The following ARMC2 variants were observed in gnomAD, a reference collection of about 807,000 sequenced individuals.
The protein encoded by ARMC2 is armadillo repeat-containing protein 2.
ARMC2 carries 67 observed loss-of-function variants against 90.3 expected under a neutral mutation model. The observed-to-expected ratio is 0.74, with a 90% CI of 0.61 to 0.91. ARMC2 has a LOEUF of 0.91. ARMC2 is among the 40% of genes least tolerant of loss of function. ARMC2 has a pLI of 0.00. For synonymous variants in ARMC2, 393 were observed against 393.0 expected (o/e 1.00, Z 0.00); for missense variants, 920 against 1,030.9 (o/e 0.89, Z 1.47).
chr6:108,925,721 T>G (rs1479193837), intron 10 of ARMC2, among the ~76,000 whole-genome samples: 1 of 152,192 alleles, frequency 6.6e-6, no homozygotes. Context: ...GATGGTGTCA[T>G]CTATTGAGCT....
chr6:108,975,748 T>C (rs1196666107), downstream of ARMC2, among the ~76,000 whole-genome samples: 1 of 152,264 alleles, frequency 6.6e-6, no homozygotes, highest in Non-Finnish European at 1.5e-5. Flanking sequence ...ATTTCTCTAA[T>C]GACCAGTGAT....
chr6:108,929,284 A>C (rs1169529944), intron 11 of ARMC2, among the ~76,000 whole-genome samples: 1 of 152,106 alleles, frequency 6.6e-6, no homozygotes, highest in Non-Finnish European at 1.5e-5. Context: ...TATTTTTCCC[A>C]TGTGGATAGT....
intron 6 of ARMC2, among the ~76,000 whole-genome samples, chr6:108,896,807 G>T (rs1354171679): frequency 6.6e-6 from 1 of 152,170 alleles, no homozygotes; most frequent in East Asian, 1.9e-4. Context: ...GCAGCATATT[G>T]CATAGGAGGT....
intron 8 of ARMC2, among the ~76,000 whole-genome samples, chr6:108,909,162 T>G (rs1169720400): frequency 6.6e-6 from 1 of 152,224 alleles, no homozygotes; most frequent in Non-Finnish European, 1.5e-5. Flanking sequence ...AATAATTTTT[T>G]GTTCAGATGA....
chr6:108,892,711 A>T (rs1341912414), intron 5 of ARMC2, among the ~76,000 whole-genome samples: 1 of 151,286 alleles, frequency 6.6e-6, no homozygotes, highest in Non-Finnish European at 1.5e-5. Context: ...GTGAGCCGAG[A>T]TCACGCCATT....
chr6:109,026,557 C>T, the ARMC2 span, among the ~76,000 whole-genome samples: 244 of 152,064 alleles, frequency 1.6e-3, no homozygotes, highest in African/African-American at 5.1e-3. Flanking sequence ...AGTGCAGTGG[C>T]GCAATCTCGG....
intron 1 of ARMC2, among the ~76,000 whole-genome samples, chr6:108,853,379 G>A (rs1446253599): frequency 6.6e-6 from 1 of 152,118 alleles, no homozygotes; most frequent in African/African-American, 2.4e-5. Context: ...TCACAAAGCA[G>A]TTTTCTGTTG....
At chr6:108,979,780 G>A in the ARMC2 span, among the ~76,000 whole-genome samples, 1 of 151,470 alleles carries the variant, frequency 6.6e-6, no homozygotes, top group South Asian at 2.1e-4. Flanking sequence ...CTGCTTGATA[G>A]ATATGGCTAT....
At chr6:108,910,860 AT>A in intron 8 of ARMC2, 38 bp from the exon 9 acceptor site, 1 of 1,026,060 alleles carries the variant, frequency 9.7e-7, no homozygotes, top group Non-Finnish European at 1.4e-6. Flanking sequence ...GCATGTCTTT[AT>A]TTCCTTCTGC....
At chr6:108,888,111 C>G (rs941757395) in intron 5 of ARMC2, among the ~76,000 whole-genome samples, 9 of 152,310 alleles carry the variant, frequency 5.9e-5, no homozygotes, top group Middle Eastern at 3.4e-3. Flanking sequence ...GGGTTCCAGA[C>G]TTTAAAAGGG....
intron 5 of ARMC2, among the ~76,000 whole-genome samples, chr6:108,891,060 G>T (rs912510426): frequency 6.6e-6 from 1 of 152,096 alleles, no homozygotes; most frequent in Non-Finnish European, 1.5e-5. Context: ...CTTCATCCAT[G>T]TCACTGCAAA....
chr6:108,971,204 C>G lies in ARMC2; in HGVS notation c.2447-2153C>G, dbSNP rs552363093. Among the ~76,000 whole-genome samples the G allele has an allele frequency of 6.6e-5, 10 of 152,236 alleles. No individual in the cohort carries two copies. The South Asian group carries it at 1.9e-3, about 28-fold the overall frequency. ...ACACCATTGCACTCCAGAGTAGACTCTGTCTCGAAAAAACGGAATGAAATC... is the reference window on the plus strand; with the variant it reads ...ACACCATTGCACTCCAGAGTAGACTGTGTCTCGAAAAAACGGAATGAAATC... On this transcript the variant is annotated intron_variant, in intron 17 of 17. Transcript: ENST00000392644.
the ARMC2 span, chr6:109,000,536 T>G: frequency 2.5e-6 from 4 of 1,610,910 alleles, no homozygotes; most frequent in Non-Finnish European, 3.4e-6. Context: ...GGGCTAACAC[T>G]TTGTTAAGTT....
intron 11 of ARMC2, 56 bp downstream of exon 11, chr6:108,928,289 G>A (rs954207418): frequency 7.9e-6 from 11 of 1,393,746 alleles, no homozygotes; most frequent in Non-Finnish European, 1.0e-5. Flanking sequence ...TTAGATTTGG[G>A]GTTATCTTTA....
the ARMC2 span, among the ~76,000 whole-genome samples, chr6:108,981,858 G>A: frequency 6.6e-6 from 1 of 152,048 alleles, no homozygotes; most frequent in East Asian, 1.9e-4. Context: ...GTAGAGATGG[G>A]GTTTCACCAT....
At chr6:108,998,861 GCCTAGCATAAAATTA>G in the ARMC2 span, 1 of 1,310,980 alleles carries the variant, frequency 7.6e-7, no homozygotes. Context: ...ATCATACAAA[GCCTAGCATAAAATTA>G]TCATTTGAAA....
intron 17 of ARMC2, among the ~76,000 whole-genome samples, chr6:108,972,206 A>C (rs1778813260): frequency 6.6e-6 from 1 of 152,190 alleles, no homozygotes; most frequent in Admixed American, 6.5e-5. Flanking sequence ...TCCTACCTGG[A>C]TTGAATATAT....
At chr6:108,948,954 A>G (rs2128501658) in intron 12 of ARMC2, among the ~76,000 whole-genome samples, 1 of 152,254 alleles carries the variant, frequency 6.6e-6, no homozygotes, top group Non-Finnish European at 1.5e-5. Flanking sequence ...ACAGGGCTGG[A>G]GAAGCCTACT....
intron 10 of ARMC2, among the ~76,000 whole-genome samples, chr6:108,919,583 A>C (rs896127552): frequency 2.0e-5 from 3 of 152,216 alleles, no homozygotes; most frequent in Non-Finnish European, 2.9e-5. Context: ...TTTTGCTTGA[A>C]TAGCAAGCAG....
Sources: gnomAD v4.1 joint callset for allele counts (sites outside exome capture counted in the v4.1 genomes callset) on GRCh38, gnomAD v4.1.1 for gene constraint, MANE v1.5 for transcripts, NCBI Gene and HGNC (gene_info 2026-07-23, HGNC 2026-07-21) for gene names.